STAU2: variants seen among roughly 807,000 people sequenced by gnomAD.
The protein encoded by STAU2 is staufen double-stranded RNA binding protein 2.
STAU2 carries 20 observed loss-of-function variants against 65.9 expected under a neutral mutation model. That is an observed-to-expected ratio of 0.30 (90% CI 0.21 to 0.44). The LOEUF is 0.44. STAU2 is among the 20% of genes least tolerant of loss of function. The probability of loss-of-function intolerance (pLI) is 1.00; values close to 1 mark genes in which losing one functional copy is unlikely to be tolerated. For synonymous variants in STAU2, 232 were observed against 233.9 expected (o/e 0.99, Z 0.07); for missense variants, 558 against 683.9 (o/e 0.82, Z 2.05).
rs767942608 is a variant in STAU2 at position 73,617,328 on chromosome 8, T to C, written c.534A>G (p.Ala178=). The change falls in exon 7 of 15, where the codon GCA becomes GCG. Residue 178 remains alanine (A), a synonymous_variant. Coordinates refer to ENST00000524300, the MANE Select transcript of STAU2 (RefSeq NM_001164380.2). ...RHNAAMKALQ[A]LQNEPIPERS... is the part of the protein sequence containing the mutation. ...TTTCTGGAATAGGTTCATTCTGCAG[T>C]GCTTGGAGGGCTTTCATTGCAGCAT... 2 of 1,614,144 alleles carry C rather than the reference T, an allele frequency of 1.2e-6. No homozygotes were observed. The highest frequency in any genetic ancestry group is 1.7e-6 in the Non-Finnish European group (2 of 1,180,000).
chr8:73,613,596 ATTAAT>A, intron 9 of STAU2, 143 bp downstream of exon 9: 1 of 533,336 alleles, frequency 1.9e-6, no homozygotes, highest in African/African-American at 1.9e-5. Flanking sequence ...TAGAATTGTC[ATTAAT>A]TTATAGTCAC....
At chr8:73,501,572 T>G (rs1165812316) in intron 13 of STAU2, among the ~76,000 whole-genome samples, 1 of 151,926 alleles carries the variant, frequency 6.6e-6, no homozygotes, top group African/African-American at 2.4e-5. Context: ...ACTCTAAACC[T>G]CTAAAGGTAA....
At chr8:73,520,216 C>A (rs1822969183) in intron 13 of STAU2, among the ~76,000 whole-genome samples, 1 of 152,214 alleles carries the variant, frequency 6.6e-6, no homozygotes, top group African/African-American at 2.4e-5. Context: ...GAGATTTCAT[C>A]CTACAGACTT....
intron 10 of STAU2, among the ~76,000 whole-genome samples, chr8:73,602,703 A>C (rs966293393): frequency 6.6e-6 from 1 of 151,212 alleles, no homozygotes; most frequent in African/African-American, 2.4e-5. Flanking sequence ...AGCCTGGCTG[A>C]CAGAACAAGA....
intron 12 of STAU2, among the ~76,000 whole-genome samples, chr8:73,565,878 G>A (rs898462614): frequency 1.3e-5 from 2 of 151,978 alleles, no homozygotes; most frequent in Non-Finnish European, 2.9e-5. Flanking sequence ...AACTGATTTC[G>A]TTATATGTCA....
chr8:73,746,900 C>T, upstream of STAU2: 4 of 1,080,922 alleles, frequency 3.7e-6, no homozygotes, highest in Non-Finnish European at 3.4e-6. Flanking sequence ...CGCCTCCGCC[C>T]GCCTCCGCCC....
chr8:73,615,300 T>C (rs149969453), intron 8 of STAU2, among the ~76,000 whole-genome samples: 22 of 152,118 alleles, frequency 1.4e-4, no homozygotes, highest in African/African-American at 5.1e-4. Flanking sequence ...CTCCACACAA[T>C]TGAAAAAAAA....
chr8:73,635,886 G>A (rs182989301), intron 6 of STAU2, among the ~76,000 whole-genome samples: 5 of 146,758 alleles, frequency 3.4e-5, no homozygotes, highest in East Asian at 4.1e-4. Context: ...AAAACTGTTC[G>A]AATCTCTATC....
intron 11 of STAU2, among the ~76,000 whole-genome samples, chr8:73,586,354 G>A (rs1267341609): frequency 6.6e-6 from 1 of 152,058 alleles, no homozygotes; most frequent in African/African-American, 2.4e-5. Flanking sequence ...GTCTTTTCAA[G>A]GTATTATGAA....
Position 73,589,842 on chromosome 8 carries a change from C to T in STAU2, c.1161+5324G>A, listed in dbSNP as rs189065303. 1.3e-5 allele frequency among the ~76,000 whole-genome samples: 2 copies of T among 151,864 alleles called. 1 individual carries two copies. Among genetic ancestry groups the T allele is most frequent in the Admixed American group, 1.3e-4 (2 of 15,256 alleles). ...ATTCCATGACATCAAATCACAGATC[C>T]AAAATGCTCAGAGAACCCTATAAGG... On this transcript the variant is annotated intron_variant, in intron 11 of 14. Transcript: ENST00000524300.
intron 13 of STAU2, among the ~76,000 whole-genome samples, chr8:73,424,201 C>CTTTTTTT (rs59063960): frequency 1.6e-4 from 18 of 115,308 alleles, no homozygotes; most frequent in African/African-American, 3.1e-4. Context: ...TCCTCTATGT[C>CTTTTTTT]TTTTTTTTTT....
chr8:73,489,101 T>C (rs1821050127), intron 13 of STAU2, among the ~76,000 whole-genome samples: 1 of 151,968 alleles, frequency 6.6e-6, no homozygotes, highest in Non-Finnish European at 1.5e-5. Context: ...TCAAATTTAT[T>C]AATTTTTAAA....
Position 73,670,301 on chromosome 8 carries a change from G to A in STAU2, c.410+2806C>T, listed in dbSNP as rs966363674. 10 of 152,062 alleles carry A rather than the reference G, an allele frequency of 6.6e-5. No homozygotes were observed. In the East Asian group the frequency reaches 1.2e-3, roughly 18 times the overall value. The allele number at this position is 152,062 out of a possible 1,614,324, so 9.4% of individuals were successfully genotyped here. A position where few individuals can be genotyped will look rare whatever the true frequency, so the allele number is the denominator to read the frequency against. On this transcript the variant is annotated intron_variant, in intron 6 of 14. Coordinates refer to ENST00000524300, the MANE Select transcript of STAU2 (RefSeq NM_001164380.2). ...ACAGGAGAGAATGAAATATACCAAGGAAGCCAAGAAAAGCTGAGGGTTTAG... is the reference window on the plus strand; with the variant it reads ...ACAGGAGAGAATGAAATATACCAAGAAAGCCAAGAAAAGCTGAGGGTTTAG...
intron 13 of STAU2, chr8:73,550,416 A>C (rs1807251306): frequency 2.0e-6 from 2 of 985,286 alleles, no homozygotes; most frequent in Admixed American, 1.2e-4. Context: ...GCAAAATTAC[A>C]GCTACTGTAA....
chr8:73,620,541 T>C (rs1365019850), intron 6 of STAU2, among the ~76,000 whole-genome samples: 38 of 152,170 alleles, frequency 2.5e-4, no homozygotes, highest in Admixed American at 2.5e-3. Flanking sequence ...AATCTGCTGA[T>C]TTTCTGGCCA....
chr8:73,590,674 T>C (rs716009), intron 11 of STAU2: 60,223 of 151,968 alleles, frequency 0.4, 13,264 homozygotes, highest in East Asian at 0.61. Flanking sequence ...CTGGACACCT[T>C]ACCAAGCACA....
chr8:73,734,942 T>C (rs1806326846), intron 3 of STAU2, among the ~76,000 whole-genome samples: 1 of 151,966 alleles, frequency 6.6e-6, no homozygotes, highest in African/African-American at 2.4e-5. Flanking sequence ...TCAACTTAAA[T>C]CCCCTTTGCA....
chr8:73,660,307 G>A (rs187572476), intron 6 of STAU2, among the ~76,000 whole-genome samples: 156 of 152,274 alleles, frequency 1.0e-3, no homozygotes, highest in African/African-American at 3.5e-3. Context: ...GTGCATGCCT[G>A]TAATCCCAGC....
intron 13 of STAU2, 89 bp from the exon 14 acceptor site, chr8:73,422,791 TTTTC>T: frequency 1.8e-6 from 1 of 570,944 alleles, no homozygotes; most frequent in Non-Finnish European, 2.5e-6. Context: ...GAAAGACTCA[TTTTC>T]ATTAGTCTAC....
Sources: gnomAD v4.1 joint callset for allele counts (sites outside exome capture counted in the v4.1 genomes callset) on GRCh38, gnomAD v4.1.1 for gene constraint, MANE v1.5 for transcripts, NCBI Gene and HGNC (gene_info 2026-07-23, HGNC 2026-07-21) for gene names.